The following TLN2 variants were observed in gnomAD, a reference collection of about 807,000 sequenced individuals.
The protein encoded by TLN2 is talin 2, also known as talin-2.
Under a neutral mutation model 294.7 loss-of-function variants are expected in TLN2, and 118 were observed. The ratio of observed to expected loss-of-function variants is 0.40; its 90% CI spans 0.34 to 0.47. TLN2 has a LOEUF of 0.47. Ranked by LOEUF, TLN2 falls within the 20% of genes least tolerant of loss-of-function variation. TLN2 has a pLI of 0.84. For missense variants in TLN2, 3,083 were observed against 3,282.2 expected, an observed-to-expected ratio of 0.94 and a Z score of 1.48; for synonymous variants, 1,431 against 1,304.5, an observed-to-expected ratio of 1.10 and a Z score of -2.09.
At chr15:62,474,807 C>T (rs1476855467) in intron 1 of TLN2, among the ~76,000 whole-genome samples, 3 of 152,098 alleles carry the variant, frequency 2.0e-5, no homozygotes, top group Non-Finnish European at 2.9e-5. Flanking sequence ...GGTTAGACTC[C>T]GGGCTGTCCC....
At chr15:62,759,456 C>G (rs891679752) in intron 37 of TLN2, among the ~76,000 whole-genome samples, 4 of 151,650 alleles carry the variant, frequency 2.6e-5, no homozygotes, top group African/African-American at 7.3e-5. Flanking sequence ...ACAAACAAAC[C>G]CTGTCTTTAT....
At chr15:62,416,659 A>G (rs761604144) in intron 1 of TLN2, among the ~76,000 whole-genome samples, 24 of 152,192 alleles carry the variant, frequency 1.6e-4, no homozygotes, top group Non-Finnish European at 2.6e-4. Flanking sequence ...CATATCAAAG[A>G]GATGACTCTC....
intron 11 of TLN2, among the ~76,000 whole-genome samples, chr15:62,681,102 G>A (rs2056790909): frequency 6.6e-6 from 1 of 152,142 alleles, no homozygotes; most frequent in African/African-American, 2.4e-5. Flanking sequence ...ACCCAGTAGT[G>A]GGATTGCTGG....
At chr15:62,814,044 G>A (rs2066893492) in intron 52 of TLN2, among the ~76,000 whole-genome samples, 2 of 152,074 alleles carry the variant, frequency 1.3e-5, no homozygotes, top group Non-Finnish European at 2.9e-5. Flanking sequence ...CTAACCTCAG[G>A]TGATCTGCCC....
intron 30 of TLN2, 50 bp from the exon 31 acceptor site, chr15:62,739,298 T>C (rs750458803): frequency 5.1e-6 from 8 of 1,564,406 alleles, no homozygotes; most frequent in Middle Eastern, 2.2e-4. Context: ...CTTTTATCCC[T>C]CCCCTGCAAA....
intron 54 of TLN2, among the ~76,000 whole-genome samples, chr15:62,826,020 G>A (rs890864879): frequency 6.8e-6 from 1 of 147,490 alleles, no homozygotes; most frequent in Non-Finnish European, 1.5e-5. Context: ...AGTGAGACTC[G>A]GTCTCAAAAA....
chr15:62,714,006 C>T (rs996091967), intron 22 of TLN2, among the ~76,000 whole-genome samples: 11 of 150,514 alleles, frequency 7.3e-5, no homozygotes, highest in African/African-American at 2.7e-4. Context: ...TTTACCCCAC[C>T]TCTCTCAGTC....
At chr15:62,641,202 T>C (rs1388121496) in intron 3 of TLN2, among the ~76,000 whole-genome samples, 1 of 152,192 alleles carries the variant, frequency 6.6e-6, no homozygotes, top group Non-Finnish European at 1.5e-5. Flanking sequence ...TGTTAGGTTA[T>C]CTAGTACATA....
At chr15:62,763,520 G>A in intron 39 of TLN2, 43 bp from the exon 40 acceptor site, 3 of 1,566,652 alleles carry the variant, frequency 1.9e-6, no homozygotes, top group Non-Finnish European at 2.6e-6. Context: ...TGTGGGACTT[G>A]AGCCCCATGG....
chr15:62,686,739 G>C lies in TLN2; in HGVS notation c.1056G>C (p.Gln352His), dbSNP rs753985153. Residue 352 changes from glutamine (Q) to histidine (H), a missense_variant, in exon 12 of 59, where the codon CAG (glutamine) becomes CAC (histidine). Transcript: ENST00000636159. Reference protein sequence around the residue: ...RVDEKTKEVLQEWPLTTVKRW... With the variant: ...RVDEKTKEVLHEWPLTTVKRW... ...ATGAGAAGACCAAGGAAGTGCTGCA[G>C]GAGTGGCCCCTCACCACCGTCAAGC... The C allele has an allele frequency of 8.7e-6, 14 of 1,613,764 alleles. No homozygotes were observed. Among genetic ancestry groups the C allele is most frequent in the South Asian group, 4.4e-5 (4 of 91,072 alleles).
Position 62,701,135 on chromosome 15 carries a change from C to T in TLN2, c.1617C>T (p.Val539=), listed in dbSNP as rs772362899. Residue 539 remains valine (V), a synonymous_variant, in exon 17 of 59, where the codon GTC becomes GTT. Coordinates refer to ENST00000636159, the MANE Select transcript of TLN2 (RefSeq NM_015059.3). ...CTAGGGTATGGGTTCAGAACAAAGTCGACGAATCCAAACACGAAATCCATT... is the reference window on the plus strand; with the variant it reads ...CTAGGGTATGGGTTCAGAACAAAGTTGACGAATCCAAACACGAAATCCATT... The part of the protein sequence containing the change: ...MASRVWVQNK[V]DESKHEIHSQ... The T allele has an allele frequency of 9.9e-6, 16 of 1,613,872 alleles. No homozygotes were observed. The highest frequency in any genetic ancestry group is 6.7e-5 in the Admixed American group (4 of 59,982).
intron 1 of TLN2, among the ~76,000 whole-genome samples, chr15:62,500,595 A>C (rs1468443902): frequency 6.6e-6 from 1 of 152,184 alleles, no homozygotes; most frequent in Non-Finnish European, 1.5e-5. Context: ...CCAGGCTTAT[A>C]GTAGGCAAAT....
chr15:62,573,619 T>TG (rs970453417), intron 1 of TLN2, among the ~76,000 whole-genome samples: 1 of 152,110 alleles, frequency 6.6e-6, no homozygotes, highest in African/African-American at 2.4e-5. Context: ...TGTTCCAGCC[T>TG]GGGGGTGGAA....
In TLN2 at chr15:62,697,783, C is replaced by G. The variant is rs777607024; in HGVS notation, c.1388C>G (p.Pro463Arg). 6.2e-7 allele frequency: 1 copy of G among 1,612,994 alleles called. No homozygotes were observed. Among genetic ancestry groups the G allele is most frequent in the Non-Finnish European group, 8.5e-7 (1 of 1,179,720 alleles). Residue 463 changes from proline (P) to arginine (R), a missense_variant, in exon 15 of 59, where the codon CCT becomes CGT. Physicochemically the swap from Pro to Arg is moderately radical, Grantham distance 103. Coordinates refer to ENST00000636159, the MANE Select transcript of TLN2 (RefSeq NM_015059.3). The part of the protein sequence containing the change: ...PAVMRSGSSG[P>R]ETFNVGSMPS... ...GTGATGCGCTCGGGCTCCAGCGGGC[C>G]TGAGACCTTCAACGTTGGCAGCATG...
chr15:62,657,095 G>A (rs1486856606), intron 8 of TLN2, among the ~76,000 whole-genome samples: 3 of 151,818 alleles, frequency 2.0e-5, no homozygotes, highest in South Asian at 4.2e-4. Context: ...GTGATAGCTT[G>A]GAGTGTCCAT....
intron 2 of TLN2, among the ~76,000 whole-genome samples, chr15:62,597,238 C>G (rs1395829124): frequency 6.6e-6 from 1 of 152,166 alleles, no homozygotes; most frequent in East Asian, 1.9e-4. Flanking sequence ...ATTTTATATT[C>G]TGTTCTTCAA....
chr15:62,540,465 A>C (rs2041616301), intron 1 of TLN2, among the ~76,000 whole-genome samples: 1 of 151,480 alleles, frequency 6.6e-6, no homozygotes, highest in South Asian at 2.1e-4. Context: ...ATGCAGGTAG[A>C]GAGAGGTGCA....
chr15:62,436,758 C>T (rs561497291), intron 1 of TLN2, among the ~76,000 whole-genome samples: 1 of 152,336 alleles, frequency 6.6e-6, no homozygotes, highest in East Asian at 1.9e-4. Flanking sequence ...GGGTCTCACT[C>T]TGTCACCCAG....
chr15:62,719,933 G>A, intron 25 of TLN2, 53 bp downstream of exon 25: 1 of 1,400,874 alleles, frequency 7.1e-7, no homozygotes, highest in Non-Finnish European at 9.7e-7. Flanking sequence ...TCTGGGCAGG[G>A]GCTGCCCTTT....
Sources: gnomAD v4.1 joint callset for allele counts (sites outside exome capture counted in the v4.1 genomes callset) on GRCh38, gnomAD v4.1.1 for gene constraint, MANE v1.5 for transcripts, NCBI Gene and HGNC (gene_info 2026-07-23, HGNC 2026-07-21) for gene names.